ARSH: variants seen among roughly 807,000 people sequenced by gnomAD.
ARSH encodes the protein arylsulfatase family member H, also known as arylsulfatase H.
A neutral mutation model predicts 28.7 loss-of-function variants in ARSH; 32 were observed. The observed-to-expected ratio is 1.11, with a 90% CI of 0.84 to 1.50. ARSH has a LOEUF of 1.50. ARSH is among the 40% of genes most tolerant of loss of function. The pLI, the probability that ARSH is intolerant of heterozygous loss-of-function variation, is 0.00. For synonymous variants in ARSH, 176 were observed against 177.3 expected (o/e 0.99, Z 0.06); for missense variants, 440 against 452.4 (o/e 0.97, Z 0.25).
rs751496491 is a variant in ARSH, at chrX:3,021,422, TGA to T, written c.902-2597_902-2596del. ...TCTGCGTAACATCTCCCAAATATTC[TGA>T]GTTTTCTCCGTCATTTCTTATAAAA... On this transcript the variant is annotated intron_variant, in intron 5 of 8. Transcript: ENST00000381130. Among the ~76,000 whole-genome samples, 8 of 111,943 alleles carry T rather than the reference TGA, an allele frequency of 7.1e-5. No homozygotes were observed. In the East Asian group the frequency reaches 1.4e-3, roughly 19 times the overall value.
At chrX:3,027,118 C>T (rs2089900860) in intron 6 of ARSH, among the ~76,000 whole-genome samples, 195 bp from the exon 7 acceptor site, 1 of 111,298 alleles carries the variant, frequency 9.0e-6, no homozygotes, top group African/African-American at 3.3e-5. Context: ...CCACCATGCC[C>T]AGCTAATGGT....
intron 5 of ARSH, among the ~76,000 whole-genome samples, chrX:3,022,111 CATTAGTATTTATAT>C (rs1030464111): frequency 9.0e-6 from 1 of 110,931 alleles, no homozygotes; most frequent in African/African-American, 3.3e-5. Flanking sequence ...GACCTATTAC[CATTAGTATTTATAT>C]ATTCATATGC....
At chrX:3,008,489 CT>C (rs2089836636) in intron 1 of ARSH, among the ~76,000 whole-genome samples, 1 of 99,699 alleles carries the variant, frequency 1.0e-5, no homozygotes, top group African/African-American at 3.7e-5. Flanking sequence ...TTCTTTCTTT[CT>C]TTCTTTCTTT....
At chrX:3,026,739 A>T (rs1434486368) in intron 6 of ARSH, among the ~76,000 whole-genome samples, 3 of 112,114 alleles carry the variant, frequency 2.7e-5, no homozygotes, top group African/African-American at 9.7e-5. Context: ...TTTTCTACTC[A>T]CACTCCTCTC....
rs1397759984 is a variant in ARSH at position 3,027,426 on chromosome X, A to T, written c.1150A>T (p.Ile384Phe). Residue 384 changes from isoleucine to phenylalanine, a missense_variant, in exon 7 of 9, where the codon ATC becomes TTC. Coordinates refer to ENST00000381130, the MANE Select transcript of ARSH (RefSeq NM_001011719.2). The part of the protein sequence containing the change: ...VINEPTSLMD[I>F]YPTLSYIGGG... Reference sequence around the variant, plus strand: ...CAATGAGCCCACCAGCTTAATGGACATCTATCCGACGCTGTCTTATATAGG... The same window carrying T: ...CAATGAGCCCACCAGCTTAATGGACTTCTATCCGACGCTGTCTTATATAGG... 12 of 1,211,707 alleles carry T rather than the reference A, an allele frequency of 9.9e-6. No homozygotes were observed. In the East Asian group the frequency reaches 3.5e-4, roughly 36 times the overall value.
chrX:3,007,758 T>C (rs2089832487), intron 1 of ARSH, among the ~76,000 whole-genome samples: 1 of 109,102 alleles, frequency 9.2e-6, no homozygotes, highest in Non-Finnish European at 1.9e-5. Flanking sequence ...CAGACATTGA[T>C]TCTCCCACAG....
At chrX:3,008,505 CTTTCTT>C (rs2089837125) in intron 1 of ARSH, among the ~76,000 whole-genome samples, 1 of 86,840 alleles carries the variant, frequency 1.2e-5, no homozygotes, top group Non-Finnish European at 2.3e-5. Context: ...TTCTTTCTTT[CTTTCTT>C]TCTTCCCTTT....
At position 3,006,575 on chromosome X, in the gene ARSH, C is replaced by A; in HGVS notation, c.-38C>A. 8.9e-7 allele frequency: 1 copy of A among 1,123,541 alleles called. No individual in the cohort carries two copies. The highest frequency in any genetic ancestry group is 1.2e-6 in the Non-Finnish European group (1 of 816,798). The allele number at this position is 1,123,541 out of a possible 1,213,427, so 92.6% of individuals were successfully genotyped here. On this transcript the variant is annotated 5_prime_UTR_variant, in exon 1 of 9. Coordinates refer to ENST00000381130, the MANE Select transcript of ARSH (RefSeq NM_001011719.2). ...TTCAGGAGCTGCTGGCTGTCAGTGT[C>A]CCTGTGCTGTTTGTTTTGCGGTGTT... is the stretch of plus-strand genomic sequence containing the variant.
In ARSH at chrX:3,006,713, G is replaced by A. The variant is rs2089828454; in HGVS notation, c.92+9G>A. On this transcript the variant is annotated intron_variant, in intron 1 of 8. Transcript: ENST00000381130. ...GGTAATAACTCAGTGAGGTAAAGAT[G>A]GACTCTGACCCCCTCCCTGTATGTG... 2 of 1,184,612 alleles carry A rather than the reference G, an allele frequency of 1.7e-6. No homozygotes were observed. Among genetic ancestry groups the A allele is most frequent in the South Asian group, 3.6e-5 (2 of 55,548 alleles).
Position 3,006,712 on chromosome X carries a change from T to C in ARSH, c.92+8T>C, listed in dbSNP as rs1569121372. 6 of 1,191,010 alleles carry C rather than the reference T, an allele frequency of 5.0e-6. No individual in the cohort carries two copies. The highest frequency in any genetic ancestry group is 6.8e-6 in the Non-Finnish European group (6 of 877,561). On this transcript the variant is annotated splice_region_variant and intron_variant, in intron 1 of 8. Coordinates refer to ENST00000381130, the MANE Select transcript of ARSH (RefSeq NM_001011719.2). ...CGGTAATAACTCAGTGAGGTAAAGA[T>C]GGACTCTGACCCCCTCCCTGTATGT...
Position 3,018,836 on chromosome X carries a change from G to T in ARSH, c.901+166G>T, listed in dbSNP as rs369498374. 5.3e-4 allele frequency among the ~76,000 whole-genome samples: 59 copies of T among 112,028 alleles called. 1 individual carries two copies. The South Asian group carries it at 0.02, about 37-fold the overall frequency. ...TTAAAAGCTGGCTTTTAATTGTTCA[G>T]CAATACCAGTGAAATATATTCCCCA... On this transcript the variant is annotated intron_variant, in intron 5 of 8. Transcript: ENST00000381130.
chrX:3,031,670 A>G (rs1156399126), intron 8 of ARSH, among the ~76,000 whole-genome samples: 1 of 112,056 alleles, frequency 8.9e-6, no homozygotes, highest in African/African-American at 3.2e-5. Flanking sequence ...TTAAGATTCT[A>G]TATGAGTGCA....
At position 3,013,130 on chromosome X, in the gene ARSH, G is replaced by A. The variant is rs763353270; in HGVS notation, c.298G>A (p.Ala100Thr). 4.1e-6 allele frequency: 5 copies of A among 1,209,355 alleles called. No homozygotes were observed. The highest frequency in any genetic ancestry group is 4.4e-5 in the Admixed American group (2 of 45,640). The change falls in exon 3 of 9, where the codon GCC becomes ACC. Residue 100 changes from alanine to threonine, a missense_variant. By Grantham distance (58) the Ala-to-Thr change is moderately conservative. Transcript: ENST00000381130. ...GGLPTNETTFAKLLQHRGYRT... is the reference protein window; with the variant it reads ...GGLPTNETTFTKLLQHRGYRT... ...TCTTCCCACCAATGAAACGACTTTT[G>A]CCAAGCTGCTGCAGCACCGTGGCTA... is the stretch of plus-strand genomic sequence containing the variant.
In ARSH at chrX:3,018,286, A is replaced by T. The variant is rs149996854; in HGVS notation, c.765-248A>T. 6.4e-3 allele frequency among the ~76,000 whole-genome samples: 716 copies of T among 112,250 alleles called. 6 individuals carry two copies. Among genetic ancestry groups the T allele is most frequent in the African/African-American group, 0.022 (676 of 30,934 alleles). On this transcript the variant is annotated intron_variant, in intron 4 of 8. Coordinates refer to ENST00000381130, the MANE Select transcript of ARSH (RefSeq NM_001011719.2). ...AGTGCAAAGAATATAGGCATGAGCC[A>T]CTGTGCCTGGCTACATGAAACATTT...
chrX:3,031,503 C>T (rs2089913743), intron 8 of ARSH, among the ~76,000 whole-genome samples: 1 of 111,565 alleles, frequency 9.0e-6, no homozygotes, highest in Non-Finnish European at 1.9e-5. Context: ...GCATGAAATT[C>T]CAGAATTCTT....
At chrX:3,028,713 T>C (rs1218711333) in intron 7 of ARSH, among the ~76,000 whole-genome samples, 1 of 111,800 alleles carries the variant, frequency 8.9e-6, no homozygotes, top group African/African-American at 3.3e-5. Flanking sequence ...TCTTCTTCCA[T>C]GACCTCAGAA....
At chrX:3,012,584 T>TGTATATATATATA (rs1250673692) in intron 2 of ARSH, among the ~76,000 whole-genome samples, 1 of 13,614 alleles carries the variant, frequency 7.3e-5, no homozygotes, top group Non-Finnish European at 1.2e-4. Flanking sequence ...TATATATATA[T>TGTATATATATATA]ATATATATAT....
In ARSH at chrX:3,013,153, C is replaced by T; in HGVS notation, c.321C>T (p.Gly107=). ...TTFAKLLQHR[G]YRTGLIGKWH... The stretch of plus-strand genomic sequence containing the variant: ...TTGCCAAGCTGCTGCAGCACCGTGG[C>T]TACCGCACGGGACTCATAGGTATGG... Residue 107 remains glycine (G), a synonymous_variant, in exon 3 of 9, where the codon GGC becomes GGT. Coordinates refer to ENST00000381130, the MANE Select transcript of ARSH (RefSeq NM_001011719.2). 1 of 1,209,837 alleles carries T rather than the reference C, an allele frequency of 8.3e-7. No individual in the cohort carries two copies.
chrX:3,020,530 A>G (rs371534108), intron 5 of ARSH, among the ~76,000 whole-genome samples: 2 of 92,699 alleles, frequency 2.2e-5, no homozygotes, highest in South Asian at 5.9e-4. Flanking sequence ...CGGAGCTTGC[A>G]GTGAGCCGAG....
Sources: allele counts gnomAD v4.1 joint callset (sites outside exome capture counted in the v4.1 genomes callset), GRCh38; gene constraint gnomAD v4.1.1; transcripts MANE v1.5; gene names NCBI Gene and HGNC (gene_info 2026-07-23, HGNC 2026-07-21).